Variants in PTPRE observed in about 807,000 individuals in gnomAD.
The protein encoded by PTPRE is protein tyrosine phosphatase receptor type E.
A neutral mutation model predicts 102.0 loss-of-function variants in PTPRE; 51 were observed. That is an observed-to-expected ratio of 0.50 (90% confidence interval 0.40 to 0.63). The LOEUF (loss-of-function observed/expected upper bound fraction) is 0.63. PTPRE is among the 30% of genes least tolerant of loss of function. PTPRE has a pLI of 0.00. For missense variants in PTPRE, 752 were observed against 915.1 expected, an observed-to-expected ratio of 0.82 and a Z score of 2.30; for synonymous variants, 345 against 348.2, an observed-to-expected ratio of 0.99 and a Z score of 0.10.
chr10:127,982,246 G>A lies in PTPRE; in HGVS notation c.-30-28G>A, dbSNP rs763356223. 6.4e-6 allele frequency: 8 copies of A among 1,255,350 alleles called. No homozygotes were observed. The East Asian group carries it at 2.8e-4, about 44-fold the overall frequency. The allele number at this position is 1,255,350 out of a possible 1,614,324, so 77.8% of individuals were successfully genotyped here. The stretch of plus-strand genomic sequence containing the variant: ...GCCAACTCCTGTTAACCAGAAAACT[G>A]ACTTTTTTTTTCTTCTTTCTTCTTC... On this transcript the variant is annotated intron_variant, in intron 1 of 20. Transcript: ENST00000254667.
At chr10:127,941,537 T>C (rs574051014) in intron 1 of PTPRE, among the ~76,000 whole-genome samples, 115 of 152,376 alleles carry the variant, frequency 7.5e-4, no homozygotes, top group African/African-American at 2.7e-3. Flanking sequence ...CAAGAGAAGC[T>C]GAGCACCTAG....
At chr10:128,017,063 G>A (rs929113263) in intron 2 of PTPRE, among the ~76,000 whole-genome samples, 6 of 152,116 alleles carry the variant, frequency 3.9e-5, no homozygotes, top group African/African-American at 9.7e-5. Context: ...TGCTGTATGC[G>A]AGTCAGACTG....
At chr10:128,009,677 G>T (rs115354595) in intron 2 of PTPRE, among the ~76,000 whole-genome samples, 3 of 152,212 alleles carry the variant, frequency 2.0e-5, no homozygotes, top group African/African-American at 7.2e-5. Context: ...TGCAGTGCGT[G>T]TGCTGCAAAG....
chr10:127,992,448 G>A (rs1351075448), intron 2 of PTPRE, among the ~76,000 whole-genome samples: 1 of 152,192 alleles, frequency 6.6e-6, no homozygotes, highest in Non-Finnish European at 1.5e-5. Flanking sequence ...ACAAAGGGTG[G>A]CAGCTGGGGG....
At chr10:127,971,782 C>A (rs1462360592) in intron 1 of PTPRE, among the ~76,000 whole-genome samples, 1 of 152,234 alleles carries the variant, frequency 6.6e-6, no homozygotes, top group African/African-American at 2.4e-5. Flanking sequence ...CCCGGCCAGC[C>A]ATGTGGGTGG....
rs1485137729 is a variant in PTPRE at position 127,908,013 on chromosome 10, C to G, written c.-31+704C>G. 2.6e-5 allele frequency among the ~76,000 whole-genome samples: 4 copies of G among 152,320 alleles called. No individual in the cohort carries two copies. The East Asian group carries it at 7.7e-4, about 29-fold the overall frequency. ...AGCTCCCGGGACCATCTGGGGAAGG[C>G]CGGGCAACCCACAGGATGGGGAGGC... On this transcript the variant is annotated intron_variant, in intron 1 of 20. Coordinates refer to ENST00000254667, the MANE Select transcript of PTPRE (RefSeq NM_006504.6).
intron 11 of PTPRE, 121 bp from the exon 12 acceptor site, chr10:128,068,002 G>A: frequency 8.8e-7 from 1 of 1,130,780 alleles, no homozygotes; most frequent in Non-Finnish European, 1.2e-6. Context: ...CTCTGTGGAT[G>A]GGCCCCTCCC....
chr10:127,990,680 G>A (rs1421125202), intron 2 of PTPRE, among the ~76,000 whole-genome samples: 1 of 152,160 alleles, frequency 6.6e-6, no homozygotes, highest in African/African-American at 2.4e-5. Flanking sequence ...TGTCTTGCAG[G>A]ATGTGTCTGC....
intron 2 of PTPRE, among the ~76,000 whole-genome samples, chr10:128,030,980 T>A (rs1476983201): frequency 2.0e-5 from 3 of 152,210 alleles, no homozygotes; most frequent in Non-Finnish European, 4.4e-5. Context: ...TATTGAAGTC[T>A]TTTCTCTCTC....
chr10:128,077,485 C>T (rs1254524713), intron 18 of PTPRE, 132 bp from the exon 19 acceptor site: 9 of 1,170,360 alleles, frequency 7.7e-6, no homozygotes, highest in Admixed American at 5.7e-5. Flanking sequence ...CAGGCTGCCT[C>T]GGTGGGGATG....
intron 10 of PTPRE, 93 bp from the exon 11 acceptor site, chr10:128,065,982 G>T: frequency 5.1e-6 from 8 of 1,564,362 alleles, no homozygotes; most frequent in Non-Finnish European, 7.0e-6. Context: ...GACTCCAGCT[G>T]GTGTGTGTGA....
intron 2 of PTPRE, among the ~76,000 whole-genome samples, chr10:128,027,323 T>C (rs1846356152): frequency 6.6e-6 from 1 of 152,172 alleles, no homozygotes; most frequent in Non-Finnish European, 1.5e-5. Context: ...TTCCTAGCAC[T>C]CTCCCTCCTC....
intron 1 of PTPRE, among the ~76,000 whole-genome samples, chr10:127,914,535 A>T (rs991413595): frequency 3.3e-5 from 5 of 152,202 alleles, no homozygotes; most frequent in Non-Finnish European, 7.3e-5. Flanking sequence ...TGGAGGTGGG[A>T]AGGCCTCCAG....
At chr10:127,991,382 G>C (rs1852639123) in intron 2 of PTPRE, among the ~76,000 whole-genome samples, 1 of 152,156 alleles carries the variant, frequency 6.6e-6, no homozygotes, top group African/African-American at 2.4e-5. Context: ...TGAGAATTAA[G>C]TCATTTTCCT....
intron 1 of PTPRE, among the ~76,000 whole-genome samples, chr10:127,971,492 C>T (rs1395675978): frequency 6.6e-6 from 1 of 152,196 alleles, no homozygotes; most frequent in African/African-American, 2.4e-5. Context: ...TGTTTTCACT[C>T]GGTGCCGCCC....
chr10:128,016,526 T>C (rs1845444137), intron 2 of PTPRE, among the ~76,000 whole-genome samples: 1 of 151,794 alleles, frequency 6.6e-6, no homozygotes, highest in African/African-American at 2.4e-5. Context: ...TCTTGCTATG[T>C]TGCCCAGGCT....
intron 1 of PTPRE, among the ~76,000 whole-genome samples, chr10:127,925,909 C>T (rs1287135955): frequency 6.6e-6 from 1 of 152,190 alleles, no homozygotes; most frequent in African/African-American, 2.4e-5. Flanking sequence ...CTATACTGAG[C>T]TCAAGTGTCA....
At chr10:128,060,300 A>T (rs1178018750) in intron 7 of PTPRE, among the ~76,000 whole-genome samples, 1 of 152,016 alleles carries the variant, frequency 6.6e-6, no homozygotes, top group East Asian at 1.9e-4. Context: ...CACACCCCAC[A>T]CACAGAGCAC....
intron 6 of PTPRE, among the ~76,000 whole-genome samples, chr10:128,053,711 C>T (rs116235168): frequency 0.01 from 1,577 of 152,296 alleles, 13 homozygotes; most frequent in African/African-American, 0.036. Flanking sequence ...GGTCCATCCT[C>T]GCCATCCAAT....
Sources: gnomAD v4.1 joint callset for allele counts (sites outside exome capture counted in the v4.1 genomes callset) on GRCh38, gnomAD v4.1.1 for gene constraint, MANE v1.5 for transcripts, NCBI Gene and HGNC (gene_info 2026-07-23, HGNC 2026-07-21) for gene names.